Variants in TCERG1L observed in about 807,000 individuals in gnomAD.
TCERG1L encodes the protein transcription elongation regulator 1-like protein.
Under a neutral mutation model 56.3 loss-of-function variants are expected in TCERG1L, and 37 were observed. That is an observed-to-expected ratio of 0.66 (90% confidence interval 0.51 to 0.87). The LOEUF (loss-of-function observed/expected upper bound fraction) is 0.87. Ranked by LOEUF, TCERG1L falls within the 40% of genes least tolerant of loss-of-function variation. The pLI, the probability that TCERG1L is intolerant of heterozygous loss-of-function variation, is 0.00. For missense variants in TCERG1L, 799 were observed against 774.2 expected, an observed-to-expected ratio of 1.03 and a Z score of -0.38; for synonymous variants, 324 against 326.3, an observed-to-expected ratio of 0.99 and a Z score of 0.08.
chr10:131,296,793 A>T (rs1846695530), intron 3 of TCERG1L, among the ~76,000 whole-genome samples: 1 of 152,230 alleles, frequency 6.6e-6, no homozygotes, highest in African/African-American at 2.4e-5. Flanking sequence ...TTAATGTTTC[A>T]TGATTTTCAC....
intron 4 of TCERG1L, among the ~76,000 whole-genome samples, chr10:131,255,274 C>A (rs2133537095): frequency 6.6e-6 from 1 of 152,268 alleles, no homozygotes. Context: ...ACTGCACATG[C>A]CAGCAGGGAC....
chr10:131,104,334 C>T lies in TCERG1L; in HGVS notation c.1416G>A (p.Trp472Ter). 2.6e-6 allele frequency: 4 copies of T among 1,548,176 alleles called. No individual in the cohort carries two copies. The highest frequency in any genetic ancestry group is 2.6e-6 in the Non-Finnish European group (3 of 1,143,896). Residue 472 changes from tryptophan to a stop codon, truncating the protein, a stop_gained, in exon 10 of 12, where the codon TGG (tryptophan) becomes TGA (stop). Transcript: ENST00000368642. LOFTEE classifies it high-confidence loss of function. ...LERGVSAFST[W>*]EKELHKIVFD... is the part of the protein sequence containing the mutation. ...ACACGATTTTGTGTAATTCTTTCTC[C>T]CAGGTAGAAAATGCTGATACCTAAA...
At chr10:131,281,099 T>C (rs1473938345) in intron 3 of TCERG1L, among the ~76,000 whole-genome samples, 2 of 152,268 alleles carry the variant, frequency 1.3e-5, no homozygotes, top group Non-Finnish European at 2.9e-5. Context: ...AATGTTTATA[T>C]GCCTCTTTCT....
chr10:131,094,143 G>C (rs80350029), intron 11 of TCERG1L, among the ~76,000 whole-genome samples: 1 of 152,192 alleles, frequency 6.6e-6, no homozygotes, highest in Non-Finnish European at 1.5e-5. Flanking sequence ...CGCAGGCACC[G>C]GGCCCCGCAA....
chr10:131,179,134 A>C, intron 4 of TCERG1L, among the ~76,000 whole-genome samples: 1 of 152,186 alleles, frequency 6.6e-6, no homozygotes, highest in East Asian at 1.9e-4. Context: ...CGGGCTGCAG[A>C]TCAGGCTGCC....
At chr10:131,273,216 C>T (rs865855066) in intron 3 of TCERG1L, among the ~76,000 whole-genome samples, 28 of 152,306 alleles carry the variant, frequency 1.8e-4, no homozygotes, top group Middle Eastern at 3.4e-3. Context: ...GTGTAGACAG[C>T]CTGGGACCCC....
chr10:131,151,590 G>A (rs187961170), intron 6 of TCERG1L, among the ~76,000 whole-genome samples: 148 of 152,322 alleles, frequency 9.7e-4, no homozygotes, highest in Non-Finnish European at 1.9e-3. Flanking sequence ...CTGTTGTTGA[G>A]TGATGGTGGC....
At chr10:131,309,926 T>C (rs1846865764) in intron 1 of TCERG1L, among the ~76,000 whole-genome samples, 1 of 147,494 alleles carries the variant, frequency 6.8e-6, no homozygotes, top group African/African-American at 2.5e-5. Flanking sequence ...AAGGGGCTGG[T>C]AATTCAGGGC....
chr10:131,275,620 A>T (rs1408606019), intron 3 of TCERG1L, among the ~76,000 whole-genome samples: 1 of 152,220 alleles, frequency 6.6e-6, no homozygotes, highest in Non-Finnish European at 1.5e-5. Flanking sequence ...AGCAGTTTCC[A>T]TCATTAAGAA....
intron 4 of TCERG1L, among the ~76,000 whole-genome samples, chr10:131,215,526 C>T (rs1173350157): frequency 1.3e-5 from 2 of 152,180 alleles, no homozygotes; most frequent in African/African-American, 2.4e-5. Flanking sequence ...CGAGGAAACT[C>T]GGAGACCTGA....
At chr10:131,243,253 G>A (rs116965315) in intron 4 of TCERG1L, among the ~76,000 whole-genome samples, 1 of 152,034 alleles carries the variant, frequency 6.6e-6, no homozygotes, top group South Asian at 2.1e-4. Flanking sequence ...TGGCCAGTGA[G>A]ACAGGAGTGA....
intron 10 of TCERG1L, among the ~76,000 whole-genome samples, chr10:131,098,776 T>G (rs1845275105): frequency 6.6e-6 from 1 of 152,204 alleles, no homozygotes. Context: ...TAGGCTGCAG[T>G]GGTCCTCACT....
At chr10:131,254,828 T>C (rs1359225557) in intron 4 of TCERG1L, among the ~76,000 whole-genome samples, 1 of 152,158 alleles carries the variant, frequency 6.6e-6, no homozygotes, top group Non-Finnish European at 1.5e-5. Context: ...AAGGTTTACT[T>C]GAAAGACCAC....
chr10:131,097,780 T>C (rs1242640290), intron 11 of TCERG1L, among the ~76,000 whole-genome samples: 1 of 152,256 alleles, frequency 6.6e-6, no homozygotes, highest in East Asian at 1.9e-4. Flanking sequence ...ATGCCTCATT[T>C]ATTATTTTAG....
chr10:131,227,988 C>T (rs1248576757), intron 4 of TCERG1L, among the ~76,000 whole-genome samples: 1 of 151,866 alleles, frequency 6.6e-6, no homozygotes, highest in African/African-American at 2.4e-5. Context: ...CCTCCTCACC[C>T]CCAGCACCTG....
intron 10 of TCERG1L, 113 bp from the exon 11 acceptor site, chr10:131,098,537 T>C (rs1265740670): frequency 7.6e-7 from 1 of 1,320,584 alleles, no homozygotes; most frequent in African/African-American, 1.5e-5. Flanking sequence ...AAAGCTGTTC[T>C]TGTTTACAGC....
At chr10:131,104,623 A>G (rs1326415765) in intron 9 of TCERG1L, among the ~76,000 whole-genome samples, 3 of 152,146 alleles carry the variant, frequency 2.0e-5, no homozygotes, top group Non-Finnish European at 4.4e-5. Flanking sequence ...TGAAACCCCA[A>G]TTATACCTGT....
At chr10:131,196,705 G>T (rs1411751988) in intron 4 of TCERG1L, among the ~76,000 whole-genome samples, 1 of 152,200 alleles carries the variant, frequency 6.6e-6, no homozygotes, top group Non-Finnish European at 1.5e-5. Context: ...TGCCTTAACA[G>T]ACTCCCGTGA....
chr10:131,154,702 C>T (rs548328465), intron 6 of TCERG1L, among the ~76,000 whole-genome samples: 1 of 152,304 alleles, frequency 6.6e-6, no homozygotes, highest in East Asian at 1.9e-4. Context: ...GGGAGACCTC[C>T]CTCCCACCTT....
Sources: gnomAD v4.1 joint callset for allele counts (sites outside exome capture counted in the v4.1 genomes callset) on GRCh38, gnomAD v4.1.1 for gene constraint, MANE v1.5 for transcripts, NCBI Gene and HGNC (gene_info 2026-07-23, HGNC 2026-07-21) for gene names.